The following SNAPC3 variants were observed in gnomAD, a reference collection of about 807,000 sequenced individuals.
The protein encoded by SNAPC3 is snRNA-activating protein complex subunit 3.
SNAPC3 carries 56 observed loss-of-function variants against 47.7 expected under a neutral mutation model. The observed-to-expected ratio is 1.18, with a 90% CI of 0.95 to 1.47. The LOEUF (loss-of-function observed/expected upper bound fraction) is 1.47, where lower values mean the gene tolerates loss of function less well. Among genes scored for constraint, SNAPC3 ranks in the 40% most tolerant of loss-of-function variants. SNAPC3 has a pLI of 0.00. For synonymous variants in SNAPC3, 235 were observed against 189.9 expected (o/e 1.24, Z -1.95); for missense variants, 665 against 511.3 (o/e 1.30, Z -2.90).
At chr9:15,462,095 A>T (rs1036230574), downstream of SNAPC3, 5 of 152,154 alleles carry the variant, frequency 3.3e-5, no homozygotes, top group Non-Finnish European at 5.9e-5. Context: ...CATTCATTTC[A>T]TACTCTCAAA....
At chr9:15,433,935 C>T in intron 3 of SNAPC3, 1 of 204,918 alleles carries the variant, frequency 4.9e-6, no homozygotes, top group Non-Finnish European at 9.7e-6. Flanking sequence ...TTGTTCTGCT[C>T]CTGATTTTGG....
rs773141810 is a variant in SNAPC3, at chr9:15,423,152, C to A, written c.273C>A (p.Asp91Glu). The change falls in exon 1 of 9, where the codon GAC becomes GAA. Residue 91 changes from aspartate to glutamate, a missense_variant. Asp to Glu is a conservative substitution (Grantham distance 45). Transcript: ENST00000380821. ...ATGCCGCGGTGGCCAGGGATCTGGA[C>A]TGCAGCCTGGAGGCGGCGGCTGAGC... The part of the protein sequence containing the change: ...REDAAVARDL[D>E]CSLEAAAELR... 1 of 1,575,174 alleles carries A rather than the reference C, an allele frequency of 6.3e-7. No individual in the cohort carries two copies. Among genetic ancestry groups the A allele is most frequent in the South Asian group, 1.1e-5 (1 of 87,106 alleles).
chr9:15,453,182 T>TA lies in SNAPC3; in HGVS notation c.957_958insA (p.Val320SerfsTer6). 6.2e-7 allele frequency: 1 copy of TA among 1,612,832 alleles called. No homozygotes were observed. On this transcript the variant is annotated frameshift_variant, in exon 7 of 9. Transcript: ENST00000380821. LOFTEE classifies it high-confidence loss of function. ...ACTGTCATCAGGGAGACTGTGAACA[T>TA]GTCATTGTCATTACTGACATAAGGT...
At chr9:15,437,963 C>T (rs1350668285) in intron 3 of SNAPC3, among the ~76,000 whole-genome samples, 1 of 152,092 alleles carries the variant, frequency 6.6e-6, no homozygotes, top group Non-Finnish European at 1.5e-5. Context: ...GTGTCTTTGT[C>T]TCACTGTGGT....
chr9:15,443,860 GA>G (rs2033714367), intron 3 of SNAPC3, among the ~76,000 whole-genome samples: 1 of 152,190 alleles, frequency 6.6e-6, no homozygotes, highest in Non-Finnish European at 1.5e-5. Flanking sequence ...GCTTACTAAT[GA>G]AAAGCAGCAA....
At chr9:15,456,898 A>C (rs964899661) in intron 7 of SNAPC3, among the ~76,000 whole-genome samples, 1 of 152,206 alleles carries the variant, frequency 6.6e-6, no homozygotes, top group Non-Finnish European at 1.5e-5. Context: ...AATACCAACT[A>C]TCAAAAGGTT....
At chr9:15,452,964 C>G in intron 6 of SNAPC3, 77 bp from the exon 7 acceptor site, 9 of 1,211,096 alleles carry the variant, frequency 7.4e-6, no homozygotes, top group Non-Finnish European at 1.0e-5. Flanking sequence ...ATGTGAATTA[C>G]TGCAATCACA....
rs1238351008 is a variant in SNAPC3 at position 15,450,318 on chromosome 9, TAA to T, written c.733-1001_733-1000del. On this transcript the variant is annotated intron_variant, in intron 5 of 8. Coordinates refer to ENST00000380821, the MANE Select transcript of SNAPC3 (RefSeq NM_001039697.2). The stretch of plus-strand genomic sequence containing the variant: ...TCTGATGCGAACACAAGATAATCTG[TAA>T]GTGGGGGAATGAAGACAAGAAAGAA... 2.3e-3 allele frequency among the ~76,000 whole-genome samples: 346 copies of T among 152,116 alleles called. 4 individuals carry two copies. Among genetic ancestry groups the T allele is most frequent in the Non-Finnish European group, 5.4e-4 (37 of 67,996 alleles).
intron 2 of SNAPC3, among the ~76,000 whole-genome samples, chr9:15,430,188 G>T (rs10756663): frequency 0.94 from 142,688 of 152,300 alleles, 66,999 homozygotes; most frequent in African/African-American, 0.98. Context: ...CTCAACACTT[G>T]GGGAGGCCAA....
chr9:15,458,306 A>G lies in SNAPC3; in HGVS notation c.1088+239A>G, dbSNP rs1030906253. Among the ~76,000 whole-genome samples the G allele has an allele frequency of 2.6e-5, 4 of 152,220 alleles. No individual in the cohort carries two copies. The East Asian group carries it at 7.7e-4, about 29-fold the overall frequency. On this transcript the variant is annotated intron_variant, in intron 8 of 8. Transcript: ENST00000380821. ...GTCAAATTTCAGGCTTGTAAAATGT[A>G]TACAGCTAGGTGAATAAAAATAAAA...
chr9:15,459,268 T>TA (rs2035022104), intron 8 of SNAPC3, among the ~76,000 whole-genome samples: 1 of 152,172 alleles, frequency 6.6e-6, no homozygotes, highest in Non-Finnish European at 1.5e-5. Context: ...TAAAAAGAGT[T>TA]ATATAGTTTT....
intron 5 of SNAPC3, among the ~76,000 whole-genome samples, chr9:15,447,567 A>G (rs2034044927): frequency 2.6e-5 from 4 of 151,686 alleles, no homozygotes; most frequent in Admixed American, 2.6e-4. Context: ...TCTGCCGCCC[A>G]GGCTGGAGTG....
intron 2 of SNAPC3, among the ~76,000 whole-genome samples, chr9:15,430,182 A>T (rs1475789553): frequency 6.6e-6 from 1 of 152,202 alleles, no homozygotes; most frequent in Non-Finnish European, 1.5e-5. Context: ...TGTACTCTCA[A>T]CACTTGGGGA....
intron 7 of SNAPC3, among the ~76,000 whole-genome samples, chr9:15,455,669 TTCTC>T (rs1026068329): frequency 4.6e-5 from 7 of 151,904 alleles, no homozygotes; most frequent in African/African-American, 1.7e-4. Context: ...CAATCCCCTA[TTCTC>T]TCTGATGGCC....
At chr9:15,451,458 T>C in intron 6 of SNAPC3, 56 bp downstream of exon 6, 1 of 778,676 alleles carries the variant, frequency 1.3e-6, no homozygotes, top group Non-Finnish European at 2.1e-6. Context: ...ATCAAAGTAG[T>C]GTTATCTCCA....
intron 7 of SNAPC3, among the ~76,000 whole-genome samples, chr9:15,457,734 C>G (rs1195527474): frequency 1.3e-5 from 2 of 152,136 alleles, no homozygotes; most frequent in Non-Finnish European, 1.5e-5. Flanking sequence ...TTTGAGAAGC[C>G]TAAGGAAAGA....
At chr9:15,447,350 C>T (rs545125065) in intron 5 of SNAPC3, 106 bp downstream of exon 5, 20 of 961,996 alleles carry the variant, frequency 2.1e-5, no homozygotes, top group African/African-American at 1.5e-4. Context: ...TCTTCTCCTG[C>T]GGGATTCCAT....
chr9:15,456,815 G>T (rs2034834776), intron 7 of SNAPC3, among the ~76,000 whole-genome samples: 1 of 152,026 alleles, frequency 6.6e-6, no homozygotes, highest in African/African-American at 2.4e-5. Flanking sequence ...TGCAATGTAG[G>T]GCTTTTTAAA....
intron 7 of SNAPC3, among the ~76,000 whole-genome samples, chr9:15,453,738 A>G (rs1314416142): frequency 6.6e-6 from 1 of 152,236 alleles, no homozygotes; most frequent in East Asian, 1.9e-4. Flanking sequence ...TATTCCATGA[A>G]TAAGGCTATT....
Sources: gnomAD v4.1 joint callset for allele counts (sites outside exome capture counted in the v4.1 genomes callset) on GRCh38, gnomAD v4.1.1 for gene constraint, MANE v1.5 for transcripts, NCBI Gene and HGNC (gene_info 2026-07-23, HGNC 2026-07-21) for gene names.